The following TUBA4A variants were observed in gnomAD, a reference collection of about 807,000 sequenced individuals.
The protein encoded by TUBA4A is tubulin alpha-4A chain.
TUBA4A carries 23 observed loss-of-function variants against 34.3 expected under a neutral mutation model. The ratio of observed to expected loss-of-function variants is 0.67; its 90% CI spans 0.48 to 0.95. The LOEUF is 0.95. TUBA4A is among the 40% of genes least tolerant of loss of function. TUBA4A has a pLI of 0.00. For synonymous variants in TUBA4A, 216 were observed against 230.5 expected (o/e 0.94, Z 0.57); for missense variants, 279 against 599.0 (o/e 0.47, Z 5.58).
chr2:219,253,481 G>A (rs1951683006), intron 1 of TUBA4A: 1 of 1,330,292 alleles, frequency 7.5e-7, no homozygotes, highest in African/African-American at 1.4e-5. Context: ...TGAGGACCAG[G>A]GACTGGGGAT....
At chr2:219,253,714 G>T in intron 1 of TUBA4A, 142 bp downstream of exon 1, 4 of 1,030,566 alleles carry the variant, frequency 3.9e-6, no homozygotes, top group Non-Finnish European at 4.3e-6. Context: ...GGAGGGGGTT[G>T]GGGAGGGAGG....
At position 219,252,133 on chromosome 2, in the gene TUBA4A, C is replaced by T; in HGVS notation, c.101G>A (p.Gly34Glu). The T allele has an allele frequency of 6.2e-7, 1 of 1,614,172 alleles. No homozygotes were observed. The highest frequency in any genetic ancestry group is 8.5e-7 in the Non-Finnish European group (1 of 1,180,028). ...YCLEHGIQPD[G>E]QMPSDKTIGG... ...AATGGTCTTGTCACTGGGCATCTGCCCATCAGGCTGAATCCCATGTTCCAA... is the reference window on the plus strand; with the variant it reads ...AATGGTCTTGTCACTGGGCATCTGCTCATCAGGCTGAATCCCATGTTCCAA... The change falls in exon 2 of 4, where the codon GGG becomes GAG. Residue 34 changes from glycine (G) to glutamate (E), a missense_variant. By Grantham distance (98) the Gly-to-Glu change is moderately conservative. Transcript: ENST00000248437. The surrounding 1 kb of genome is among the most constrained non-coding windows in gnomAD (Gnocchi z 4.1).
Position 219,252,190 on chromosome 2 carries a change from T to G in TUBA4A, c.44A>C (p.Gln15Pro). ...GAGCTCCCAGCAGGCATTGCCCATC[T>G]GGACACCTGCCTGCCCCACGTGGAC... ...ISVHVGQAGVQMGNACWELYC... is the reference protein window; with the variant it reads ...ISVHVGQAGVPMGNACWELYC... The change falls in exon 2 of 4, where the codon CAG (glutamine) becomes CCG (proline). Residue 15 changes from glutamine to proline, a missense_variant. Gln to Pro is a moderately conservative substitution (Grantham distance 76). This residue lies in a region of TUBA4A where 98 missense variants were observed against 171.1 expected (regional missense o/e 0.57). Transcript: ENST00000248437. This position sits in a 1 kb window ranked among gnomAD's most constrained non-coding sequence, Gnocchi z 4.1. 1 of 1,614,144 alleles carries G rather than the reference T, an allele frequency of 6.2e-7. No individual in the cohort carries two copies. Among genetic ancestry groups the G allele is most frequent in the Non-Finnish European group, 8.5e-7 (1 of 1,179,986 alleles).
intron 1 of TUBA4A, chr2:219,253,008 T>C (rs1365987543): frequency 1.6e-6 from 1 of 615,436 alleles, no homozygotes; most frequent in Admixed American, 2.3e-5. Flanking sequence ...AGAAAGGAAG[T>C]GGAACCTGCG....
intron 1 of TUBA4A, chr2:219,253,437 A>G: frequency 6.7e-7 from 1 of 1,498,732 alleles, no homozygotes; most frequent in South Asian, 1.2e-5. Flanking sequence ...GACCCCTTCC[A>G]CCTTCTAGCG....
Position 219,252,766 on chromosome 2 carries a change from T to G in TUBA4A, c.4-536A>C. 1 of 471,746 alleles carries G rather than the reference T, an allele frequency of 2.1e-6. No homozygotes were observed. Among genetic ancestry groups the G allele is most frequent in the Non-Finnish European group, 4.4e-6 (1 of 227,548 alleles). 29.2% of individuals were successfully genotyped at this position (471,746 alleles called of 1,614,324 possible). ...TCTCCCCACCTCCACCCCCGCACCC[T>G]GGGTGTCTTCACCACTTTCATCTCC... On this transcript the variant is annotated intron_variant, in intron 1 of 3. Transcript: ENST00000248437. This position sits in a 1 kb window ranked among gnomAD's most constrained non-coding sequence, Gnocchi z 4.1.
rs1951650265 is a variant in TUBA4A, at chr2:219,251,654, T to C, written c.286A>G (p.Lys96Glu). 6.2e-7 allele frequency: 1 copy of C among 1,614,128 alleles called. No homozygotes were observed. ...LFHPEQLITGKEDAANNYARG... is the reference protein window; with the variant it reads ...LFHPEQLITGEEDAANNYARG... ...GCATAGTTGTTGGCAGCATCCTCTT[T>C]CCCAGTGATGAGCTGCTCTGGGTGG... The change falls in exon 3 of 4, where the codon AAA becomes GAA. Residue 96 changes from lysine to glutamate, a missense_variant. Coordinates refer to ENST00000248437, the MANE Select transcript of TUBA4A (RefSeq NM_006000.3). The surrounding 1 kb of genome is among the most constrained non-coding windows in gnomAD (Gnocchi z 6.1).
Position 219,250,727 on chromosome 2 carries a change from C to T in TUBA4A, c.972G>A (p.Val324=), listed in dbSNP as rs1951633404. Residue 324 remains valine (V), a synonymous_variant, in exon 4 of 4, where the codon GTG becomes GTA. Transcript: ENST00000248437. This position sits in a 1 kb window ranked among gnomAD's most constrained non-coding sequence, Gnocchi z 8.4. ...ACCLLYRGDV[V]PKDVNAAIAA... ...CAATGGCAGCGTTGACATCCTTGGG[C>T]ACCACATCTCCACGGTACAGCAGGC... The T allele has an allele frequency of 6.2e-7, 1 of 1,614,218 alleles. No individual in the cohort carries two copies. Among genetic ancestry groups the T allele is most frequent in the African/African-American group, 1.3e-5 (1 of 75,058 alleles).
intron 1 of TUBA4A, chr2:219,253,074 G>A (rs1236420433): frequency 7.9e-7 from 1 of 1,269,574 alleles, no homozygotes; most frequent in East Asian, 3.2e-5. Flanking sequence ...CCATCCTGCA[G>A]CCCAGCCCTA....
rs1951661787 is a variant in TUBA4A, at chr2:219,252,319, G to C, written c.4-89C>G. The C allele has an allele frequency of 7.9e-6, 10 of 1,259,444 alleles. No individual in the cohort carries two copies. The South Asian group carries it at 1.2e-4, about 15-fold the overall frequency. 78.0% of individuals were successfully genotyped at this position (1,259,444 alleles called of 1,614,324 possible). A position where few individuals can be genotyped will look rare whatever the true frequency, so the allele number is the denominator to read the frequency against. ...CTCTCTTCCACCCTATCATCTACCAGCTAGGATGACTCAGTTGGCAAGAGT... is the reference window on the plus strand; with the variant it reads ...CTCTCTTCCACCCTATCATCTACCACCTAGGATGACTCAGTTGGCAAGAGT... On this transcript the variant is annotated intron_variant, in intron 1 of 3. Transcript: ENST00000248437. This position sits in a 1 kb window ranked among gnomAD's most constrained non-coding sequence, Gnocchi z 4.1.
In TUBA4A at chr2:219,251,419, C is replaced by A; in HGVS notation, c.376-96G>T. 1 of 1,537,426 alleles carries A rather than the reference C, an allele frequency of 6.5e-7. No individual in the cohort carries two copies. Among genetic ancestry groups the A allele is most frequent in the South Asian group, 1.3e-5 (1 of 78,820 alleles). On this transcript the variant is annotated intron_variant, in intron 3 of 3. Transcript: ENST00000248437. The surrounding 1 kb of genome is among the most constrained non-coding windows in gnomAD (Gnocchi z 6.1). ...ATAAAGCGTAAGATACATCAGCAGT[C>A]AGGGCAAATACTGAGGATGCCATAG...
rs1479570801 is a variant in TUBA4A at position 219,252,550 on chromosome 2, C to CG, written c.4-321_4-320insC. On this transcript the variant is annotated intron_variant, in intron 1 of 3. Coordinates refer to ENST00000248437, the MANE Select transcript of TUBA4A (RefSeq NM_006000.3). The surrounding 1 kb of genome is among the most constrained non-coding windows in gnomAD (Gnocchi z 4.1). ...GGTTTACAGCTAGAGGCCCCCCCCC[C>CG]ACTTGATTAATTATTTGCTTTGAGT... is the stretch of plus-strand genomic sequence containing the variant. 7.3e-5 allele frequency among the ~76,000 whole-genome samples: 11 copies of CG among 151,158 alleles called. No individual in the cohort carries two copies. The East Asian group carries it at 7.9e-4, about 11-fold the overall frequency.
In TUBA4A at chr2:219,251,742, C is replaced by T. The variant is rs772191802; in HGVS notation, c.227-29G>A. ...GAAGGGCAAAAACCACAAAGCTATG[C>T]TCAGCAGGGACCTTCCTCCCCCAGG... On this transcript the variant is annotated intron_variant, in intron 2 of 3. Coordinates refer to ENST00000248437, the MANE Select transcript of TUBA4A (RefSeq NM_006000.3). The surrounding 1 kb of genome is among the most constrained non-coding windows in gnomAD (Gnocchi z 6.1). 8 of 1,602,146 alleles carry T rather than the reference C, an allele frequency of 5.0e-6. No homozygotes were observed. In the African/African-American group the frequency reaches 6.7e-5, roughly 13 times the overall value.
intron 1 of TUBA4A, 46 bp downstream of exon 1, chr2:219,253,810 A>AG: frequency 6.5e-7 from 1 of 1,529,446 alleles, no homozygotes; most frequent in Non-Finnish European, 8.8e-7. Flanking sequence ...CCCAAAGGAG[A>AG]GGGGCAATTA....
In TUBA4A at chr2:219,250,557, G is replaced by C. The variant is rs781587642; in HGVS notation, c.1142C>G (p.Thr381Arg). The change falls in exon 4 of 4, where the codon ACG (threonine) becomes AGG (arginine). Residue 381 changes from threonine (T) to arginine (R), a missense_variant. Around this residue, in one of 3 missense-constraint regions of TUBA4A, gnomAD observed 73 missense variants for 128.0 expected, o/e 0.57. Coordinates refer to ENST00000248437, the MANE Select transcript of TUBA4A (RefSeq NM_006000.3). This position sits in a 1 kb window ranked among gnomAD's most constrained non-coding sequence, Gnocchi z 8.4. The stretch of plus-strand genomic sequence containing the variant: ...GGCCCAGGCCTCGGCGATGGCGGTC[G>C]TGTTGCTCAGCATGCACACGGCACG... The part of the protein sequence containing the change: ...VQRAVCMLSN[T>R]TAIAEAWARL... The C allele has an allele frequency of 6.2e-7, 1 of 1,614,120 alleles. No individual in the cohort carries two copies. The highest frequency in any genetic ancestry group is 8.5e-7 in the Non-Finnish European group (1 of 1,180,056).
chr2:219,250,491 G>A lies in TUBA4A; in HGVS notation c.1208C>T (p.Ala403Val), dbSNP rs760414026. 1.9e-6 allele frequency: 3 copies of A among 1,614,102 alleles called. No individual in the cohort carries two copies. Among genetic ancestry groups the A allele is most frequent in the East Asian group, 2.2e-5 (1 of 44,876 alleles). ...CTCACCCACATACCAGTGCACAAACGCCCTCTTGGCATACATCAGGTCGAA... is the reference window on the plus strand; with the variant it reads ...CTCACCCACATACCAGTGCACAAACACCCTCTTGGCATACATCAGGTCGAA... ...HKFDLMYAKRAFVHWYVGEGM... is the reference protein window; with the variant it reads ...HKFDLMYAKRVFVHWYVGEGM... Residue 403 changes from alanine to valine, a missense_variant, in exon 4 of 4, where the codon GCG becomes GTG. Around this residue, in one of 3 missense-constraint regions of TUBA4A, gnomAD observed 73 missense variants for 128.0 expected, o/e 0.57. Coordinates refer to ENST00000248437, the MANE Select transcript of TUBA4A (RefSeq NM_006000.3). This position sits in a 1 kb window ranked among gnomAD's most constrained non-coding sequence, Gnocchi z 8.4.
Position 219,251,803 on chromosome 2 carries a change from C to G in TUBA4A, c.227-90G>C. 6.6e-7 allele frequency: 1 copy of G among 1,504,338 alleles called. No homozygotes were observed. The highest frequency in any genetic ancestry group is 9.0e-7 in the Non-Finnish European group (1 of 1,114,902). 93.2% of individuals were successfully genotyped at this position (1,504,338 alleles called of 1,614,324 possible). On this transcript the variant is annotated intron_variant, in intron 2 of 3. Transcript: ENST00000248437. The surrounding 1 kb of genome is among the most constrained non-coding windows in gnomAD (Gnocchi z 6.1). ...TGGCCAGATGCATGGAAGGACTCAT[C>G]CTCCTGCCAGCCTGAGATACCAGAG...
chr2:219,250,892 CA>C lies in TUBA4A; in HGVS notation c.806del (p.Leu269ArgfsTer35), dbSNP rs1441651191. 3.7e-6 allele frequency: 6 copies of C among 1,613,932 alleles called. No homozygotes were observed. The Admixed American group carries it at 5.0e-5, about 13-fold the overall frequency. Reference protein sequence around the residue: ...LVPYPRIHFPLATYAPVISAE... With the variant: ...LVPYPRIHFPXATYAPVISAE... ...CAGAGATGACTGGTGCATAGGTGGC[CA>C]GGGGGAAGTGGATGCGAGGGTAGGG... is the stretch of plus-strand genomic sequence containing the variant. On this transcript the variant is annotated frameshift_variant, in exon 4 of 4. Transcript: ENST00000248437. LOFTEE classifies it high-confidence loss of function. This position sits in a 1 kb window ranked among gnomAD's most constrained non-coding sequence, Gnocchi z 8.4.
chr2:219,254,065 C>T (rs1008512083), upstream of TUBA4A: 3 of 467,024 alleles, frequency 6.4e-6, no homozygotes, highest in Non-Finnish European at 7.7e-6. Context: ...TGGCCTGGTA[C>T]CCTCCCCAAG....
Sources: gnomAD v4.1 joint callset for allele counts (sites outside exome capture counted in the v4.1 genomes callset) on GRCh38, gnomAD v4.1.1 for gene constraint, gnomAD v4.1.1 regional missense constraint, Gnocchi (gnomAD v3.1) non-coding constraint, MANE v1.5 for transcripts, NCBI Gene and HGNC (gene_info 2026-07-23, HGNC 2026-07-21) for gene names.